PTPRN2: variants seen among roughly 807,000 people sequenced by gnomAD.
PTPRN2 encodes the protein protein tyrosine phosphatase receptor type N2, also known as receptor-type tyrosine-protein phosphatase N2.
In PTPRN2, 74 loss-of-function variants were observed where a neutral mutation model predicts 118.8. That is an observed-to-expected ratio of 0.62 (90% confidence interval 0.52 to 0.76). The LOEUF (loss-of-function observed/expected upper bound fraction) is 0.76, where lower values mean the gene tolerates loss of function less well. Ranked by LOEUF, PTPRN2 falls within the 30% of genes least tolerant of loss-of-function variation. The pLI, the probability that PTPRN2 is intolerant of heterozygous loss-of-function variation, is 0.00. For synonymous variants in PTPRN2, 641 were observed against 608.0 expected (o/e 1.05, Z -0.80); for missense variants, 1,481 against 1,394.4 (o/e 1.06, Z -0.99).
At chr7:158,001,527 C>T (rs910273242) in intron 11 of PTPRN2, among the ~76,000 whole-genome samples, 1 of 152,080 alleles carries the variant, frequency 6.6e-6, no homozygotes, top group African/African-American at 2.4e-5. Context: ...CCTGAGTCCA[C>T]GGCTGGGGAC....
At chr7:158,008,700 A>G (rs73169745) in intron 11 of PTPRN2, among the ~76,000 whole-genome samples, 7,450 of 152,322 alleles carry the variant, frequency 0.049, 245 homozygotes, top group Admixed American at 0.083. Context: ...GTTGTGATTT[A>G]TCTTCACACA....
At chr7:158,071,652 A>AGGTGCTCGTGGTGG (rs1811756827) in intron 11 of PTPRN2, among the ~76,000 whole-genome samples, 1 of 24,238 alleles carries the variant, frequency 4.1e-5, no homozygotes, top group African/African-American at 1.7e-4. Flanking sequence ...GCTCGTGGTG[A>AGGTGCTCGTGGTGG]TGGAGGTGCT....
intron 3 of PTPRN2, among the ~76,000 whole-genome samples, chr7:158,226,009 C>T (rs913434761): frequency 3.3e-5 from 5 of 151,944 alleles, no homozygotes; most frequent in African/African-American, 1.2e-4. Flanking sequence ...AGCTCTGCAT[C>T]GGACAGAAAT....
intron 11 of PTPRN2, among the ~76,000 whole-genome samples, chr7:157,992,433 A>G (rs975279569): frequency 4.6e-5 from 7 of 152,172 alleles, no homozygotes. Flanking sequence ...AGGTTGGGGG[A>G]CCGGCCACAC....
At chr7:158,207,039 A>G (rs2150751915) in intron 3 of PTPRN2, among the ~76,000 whole-genome samples, 1 of 144,972 alleles carries the variant, frequency 6.9e-6, no homozygotes, top group South Asian at 2.3e-4. Context: ...ATTCCCGCCT[A>G]TGAGTGAGAA....
intron 12 of PTPRN2, among the ~76,000 whole-genome samples, chr7:157,718,387 G>A (rs1799036044): frequency 6.6e-6 from 1 of 152,170 alleles, no homozygotes; most frequent in Non-Finnish European, 1.5e-5. Flanking sequence ...CACAGGAAGG[G>A]GCCAGCACAG....
intron 1 of PTPRN2, among the ~76,000 whole-genome samples, chr7:158,523,746 G>GCCCTGGAGTGGAGTCGTCTA (rs1563393523): frequency 1.5e-4 from 9 of 61,258 alleles, no homozygotes; most frequent in Admixed American, 8.5e-4. Context: ...GGAGTCGTCT[G>GCCCTGGAGTGGAGTCGTCTA]CCCTGGAGTG....
At chr7:158,098,303 CG>C (rs547342541) in intron 10 of PTPRN2, among the ~76,000 whole-genome samples, 77 of 152,170 alleles carry the variant, frequency 5.1e-4, no homozygotes, top group African/African-American at 1.6e-3. Context: ...GTGAGGCCAC[CG>C]GGGGGGCTCC....
chr7:158,441,701 G>A (rs1817279545), intron 2 of PTPRN2, among the ~76,000 whole-genome samples: 1 of 128,128 alleles, frequency 7.8e-6, no homozygotes, highest in Non-Finnish European at 1.7e-5. Flanking sequence ...GATGGCAATG[G>A]TGGCAGTGGT....
intron 6 of PTPRN2, among the ~76,000 whole-genome samples, chr7:158,166,573 C>A (rs1823018703): frequency 6.6e-6 from 1 of 151,900 alleles, no homozygotes; most frequent in African/African-American, 2.4e-5. Context: ...CTCCCCCTGG[C>A]CGCCGCGTTC....
At chr7:157,721,248 T>C (rs6950603) in intron 12 of PTPRN2, among the ~76,000 whole-genome samples, 114,196 of 152,164 alleles carry the variant, frequency 0.75, 43,157 homozygotes, top group African/African-American at 0.83. Context: ...CTCTGGGTGC[T>C]GCATCCACAA....
rs547833998 is a variant in PTPRN2, at chr7:158,284,109, G to A, written c.277+32710C>T. On this transcript the variant is annotated intron_variant, in intron 3 of 22. Transcript: ENST00000389418. ...GATGCTCTTCAATTCTCTCAAGCGC[G>A]TTTACACACACACTTGTTTGCCTGT... 1.3e-4 allele frequency among the ~76,000 whole-genome samples: 20 copies of A among 152,334 alleles called. No homozygotes were observed. The South Asian group carries it at 2.9e-3, about 22-fold the overall frequency.
rs1166803754 is a variant in PTPRN2 at position 158,003,677 on chromosome 7, C to T, written c.1723+77621G>A. Among the ~76,000 whole-genome samples, 1 of 151,998 alleles carries T rather than the reference C, an allele frequency of 6.6e-6. No homozygotes were observed. Among genetic ancestry groups the T allele is most frequent in the Non-Finnish European group, 1.5e-5 (1 of 68,002 alleles). On this transcript the variant is annotated intron_variant, in intron 11 of 22. Coordinates refer to ENST00000389418, the MANE Select transcript of PTPRN2 (RefSeq NM_002847.5). This position sits in a 1 kb window ranked among gnomAD's most constrained non-coding sequence, Gnocchi z 5.0. ...TGGGGCTTCACCGTGGCCACCCGAGCTGACTGACAGGGGTGGGGAAGCACG... is the reference window on the plus strand; with the variant it reads ...TGGGGCTTCACCGTGGCCACCCGAGTTGACTGACAGGGGTGGGGAAGCACG...
At chr7:158,259,698 T>A (rs4909058) in intron 3 of PTPRN2, among the ~76,000 whole-genome samples, 3,232 of 148,088 alleles carry the variant, frequency 0.022, 10 homozygotes, top group East Asian at 0.062. Flanking sequence ...TTGTGTGTCC[T>A]TGTGTCCCGG....
intron 11 of PTPRN2, among the ~76,000 whole-genome samples, chr7:157,899,422 T>C (rs1285699781): frequency 2.0e-5 from 3 of 152,168 alleles, no homozygotes; most frequent in East Asian, 3.8e-4. Flanking sequence ...CCTGCCCCAC[T>C]TCACAGAGAG....
At chr7:158,303,180 A>T (rs1256056601) in intron 3 of PTPRN2, among the ~76,000 whole-genome samples, 1 of 152,138 alleles carries the variant, frequency 6.6e-6, no homozygotes, top group Admixed American at 6.5e-5. Context: ...AAAAAAAAAA[A>T]AAAAATTCTT....
In PTPRN2 at chr7:157,843,977, C is replaced by T. The variant is rs549577671; in HGVS notation, c.1788+54696G>A. 5.5e-4 allele frequency among the ~76,000 whole-genome samples: 83 copies of T among 152,288 alleles called. No individual in the cohort carries two copies. In the Middle Eastern group the frequency reaches 0.014, roughly 25 times the overall value. On this transcript the variant is annotated intron_variant, in intron 12 of 22. Transcript: ENST00000389418. ...ACTGCAGGCACCGGGAGCTCTTCCA[C>T]GGAGAGGAAAGGTGCAGAGAAAGAC...
intron 2 of PTPRN2, among the ~76,000 whole-genome samples, chr7:158,423,266 C>T (rs1180859584): frequency 6.6e-6 from 1 of 152,256 alleles, no homozygotes; most frequent in Non-Finnish European, 1.5e-5. Flanking sequence ...TGCTGCTGGG[C>T]CAGACCTGAG....
intron 13 of PTPRN2, among the ~76,000 whole-genome samples, chr7:157,667,247 A>ACAAGTACACAGCC (rs1796186304): frequency 8.5e-6 from 1 of 117,472 alleles, no homozygotes; most frequent in African/African-American, 3.1e-5. Flanking sequence ...GGTGTGTGCA[A>ACAAGTACACAGCC]TGAGTACACA....
Sources: gnomAD v4.1 joint callset for allele counts (sites outside exome capture counted in the v4.1 genomes callset) on GRCh38, gnomAD v4.1.1 for gene constraint, Gnocchi (gnomAD v3.1) non-coding constraint, MANE v1.5 for transcripts, NCBI Gene and HGNC (gene_info 2026-07-23, HGNC 2026-07-21) for gene names.